MARCHF1: variants seen among roughly 807,000 people sequenced by gnomAD.
The protein encoded by MARCHF1 is E3 ubiquitin-protein ligase MARCHF1.
In MARCHF1, 40 loss-of-function variants were observed where a neutral mutation model predicts 54.2. The observed-to-expected ratio is 0.74, with a 90% CI of 0.57 to 0.96. The LOEUF (loss-of-function observed/expected upper bound fraction) is 0.96. MARCHF1 is among the 40% of genes least tolerant of loss of function. The pLI is 0.00. For synonymous variants in MARCHF1, 236 were observed against 236.3 expected (o/e 1.00, Z 0.01); for missense variants, 586 against 656.5 (o/e 0.89, Z 1.17).
At chr4:163,787,125 C>T (rs1561077293) in intron 4 of MARCHF1, among the ~76,000 whole-genome samples, 1 of 151,484 alleles carries the variant, frequency 6.6e-6, no homozygotes, top group Non-Finnish European at 1.5e-5. Context: ...TATAAAACTT[C>T]TAGAATTAAA....
chr4:164,322,878 A>G (rs1735178291), intron 1 of MARCHF1, among the ~76,000 whole-genome samples: 1 of 152,008 alleles, frequency 6.6e-6, no homozygotes. Context: ...TTAAGAGTAG[A>G]CATCATGTCC....
At position 164,024,133 on chromosome 4, in the gene MARCHF1, G is replaced by C. The variant is rs1327582205; in HGVS notation, c.-247-35424C>G. On this transcript the variant is annotated intron_variant, in intron 2 of 9. Transcript: ENST00000514618. ...CTCACTGGCATTCTTAAGAGGGAAGGAGAGAAAATAAGCAACTTTTTAAAT... is the reference window on the plus strand; with the variant it reads ...CTCACTGGCATTCTTAAGAGGGAAGCAGAGAAAATAAGCAACTTTTTAAAT... Among the ~76,000 whole-genome samples, 3 of 152,114 alleles carry C rather than the reference G, an allele frequency of 2.0e-5. No homozygotes were observed. In the East Asian group the frequency reaches 5.8e-4, roughly 29 times the overall value.
At chr4:164,232,444 A>C (rs193063124) in intron 1 of MARCHF1, among the ~76,000 whole-genome samples, 2 of 152,264 alleles carry the variant, frequency 1.3e-5, no homozygotes, top group Non-Finnish European at 2.9e-5. Flanking sequence ...CCTTATGTTA[A>C]GTATATAAGA....
chr4:164,356,196 A>C lies in MARCHF1; in HGVS notation c.-323+27674T>G, dbSNP rs1578893606. On this transcript the variant is annotated intron_variant, in intron 1 of 9. Transcript: ENST00000514618. Reference sequence around the variant, plus strand: ...CTGTAAACTAGTTCAACCATTGTGGAAGTCAGTGTGGCGATTCCTCAGGGA... The same window carrying C: ...CTGTAAACTAGTTCAACCATTGTGGCAGTCAGTGTGGCGATTCCTCAGGGA... Among the ~76,000 whole-genome samples the C allele has an allele frequency of 1.8e-5, 2 of 109,592 alleles. 1 individual carries two copies. The highest frequency in any genetic ancestry group is 4.2e-5 in the Non-Finnish European group (2 of 47,516). The allele number at this position is 109,592 out of a possible 152,430, so 71.9% of individuals were successfully genotyped here.
At chr4:164,046,778 G>C (rs2111033207) in intron 2 of MARCHF1, among the ~76,000 whole-genome samples, 1 of 152,294 alleles carries the variant, frequency 6.6e-6, no homozygotes, top group South Asian at 2.1e-4. Context: ...GTAGAAATAT[G>C]ATCACCTAGG....
At chr4:163,789,763 G>T (rs1034664718) in intron 4 of MARCHF1, among the ~76,000 whole-genome samples, 4 of 151,932 alleles carry the variant, frequency 2.6e-5, no homozygotes, top group Admixed American at 6.6e-5. Context: ...ATAGTACTTG[G>T]ACTTCTTTTT....
chr4:163,972,325 T>A (rs1401872893), intron 3 of MARCHF1, among the ~76,000 whole-genome samples: 1 of 152,188 alleles, frequency 6.6e-6, no homozygotes, highest in Non-Finnish European at 1.5e-5. Flanking sequence ...TCTGCACATG[T>A]ATCCCAGAAC....
At chr4:163,717,209 A>G (rs2111274167) in intron 4 of MARCHF1, among the ~76,000 whole-genome samples, 1 of 133,592 alleles carries the variant, frequency 7.5e-6, no homozygotes, top group South Asian at 2.4e-4. Context: ...ATGTGTTCTC[A>G]TTGTTCAATT....
At chr4:163,589,952 C>T (rs997328484) in intron 7 of MARCHF1, among the ~76,000 whole-genome samples, 4 of 151,956 alleles carry the variant, frequency 2.6e-5, no homozygotes, top group African/African-American at 4.8e-5. Context: ...TATGTTGAGA[C>T]TTTTACCATT....
intron 1 of MARCHF1, among the ~76,000 whole-genome samples, chr4:164,320,942 C>T (rs776424257): frequency 3.3e-5 from 5 of 152,066 alleles, no homozygotes; most frequent in East Asian, 1.9e-4. Flanking sequence ...GCTAGAGTCT[C>T]GGAATAGAGA....
At chr4:164,026,554 AC>A (rs2110980672) in intron 2 of MARCHF1, among the ~76,000 whole-genome samples, 1 of 152,168 alleles carries the variant, frequency 6.6e-6, no homozygotes, top group Admixed American at 6.6e-5. Context: ...CATCATAAAA[AC>A]CCTCAGCAGA....
chr4:164,296,715 G>C (rs915427537), intron 1 of MARCHF1, among the ~76,000 whole-genome samples: 2 of 152,108 alleles, frequency 1.3e-5, no homozygotes, highest in African/African-American at 4.8e-5. Flanking sequence ...CAGTTACTCT[G>C]TCATCCTCAG....
intron 5 of MARCHF1, among the ~76,000 whole-genome samples, chr4:163,627,977 C>T (rs947002728): frequency 6.6e-6 from 1 of 151,912 alleles, no homozygotes; most frequent in Non-Finnish European, 1.5e-5. Flanking sequence ...AACTAAAAAA[C>T]TCCTAGAAGA....
At chr4:164,148,533 TA>T (rs1729836573) in intron 1 of MARCHF1, among the ~76,000 whole-genome samples, 2 of 152,156 alleles carry the variant, frequency 1.3e-5, no homozygotes, top group African/African-American at 4.8e-5. Flanking sequence ...TTTCAGTCTG[TA>T]AAAATCTTTA....
intron 1 of MARCHF1, among the ~76,000 whole-genome samples, chr4:164,379,708 G>A (rs188828443): frequency 3.9e-5 from 6 of 152,178 alleles, no homozygotes; most frequent in East Asian, 3.9e-4. Context: ...AATGTTGGCC[G>A]GGCACAGTGG....
chr4:164,185,803 CACACACAAAAAAA>C (rs1730953272), intron 1 of MARCHF1, among the ~76,000 whole-genome samples: 1 of 43,310 alleles, frequency 2.3e-5, no homozygotes, highest in South Asian at 5.5e-4. Flanking sequence ...CACACACACA[CACACACAAAAAAA>C]AAAACATTTC....
chr4:163,671,954 A>C (rs1212089691), intron 5 of MARCHF1, among the ~76,000 whole-genome samples: 1 of 152,146 alleles, frequency 6.6e-6, no homozygotes, highest in African/African-American at 2.4e-5. Context: ...TTTAGGAGTA[A>C]TCAAAGATTA....
intron 1 of MARCHF1, among the ~76,000 whole-genome samples, chr4:164,178,937 C>T (rs574401995): frequency 2.0e-5 from 3 of 151,968 alleles, no homozygotes; most frequent in Non-Finnish European, 4.4e-5. Context: ...GTCTTTCTTC[C>T]CCTAGAACCA....
intron 4 of MARCHF1, among the ~76,000 whole-genome samples, chr4:163,785,987 C>T (rs1747607494): frequency 6.6e-6 from 1 of 151,886 alleles, no homozygotes; most frequent in Admixed American, 6.6e-5. Context: ...GAGAGGTTTG[C>T]ACATGCTATG....
Sources: allele counts gnomAD v4.1 joint callset (sites outside exome capture counted in the v4.1 genomes callset), GRCh38; gene constraint gnomAD v4.1.1; transcripts MANE v1.5; gene names NCBI Gene and HGNC (gene_info 2026-07-23, HGNC 2026-07-21).